The following SELP variants were observed in gnomAD, a reference collection of about 807,000 sequenced individuals.
SELP encodes P-selectin.
A neutral mutation model predicts 104.1 loss-of-function variants in SELP; 92 were observed. That is an observed-to-expected ratio of 0.88 (90% confidence interval 0.75 to 1.05). The LOEUF (loss-of-function observed/expected upper bound fraction) is 1.05, where lower values mean the gene tolerates loss of function less well. Among genes scored for constraint, SELP ranks in the 50% least tolerant of loss-of-function variants. The probability of loss-of-function intolerance (pLI) is 0.00; values close to 1 mark genes in which losing one functional copy is unlikely to be tolerated. For synonymous variants in SELP, 397 were observed against 364.5 expected (o/e 1.09, Z -1.01); for missense variants, 1,022 against 1,017.3 (o/e 1.00, Z -0.06).
At chr1:169,595,456 T>A (rs1274878791) in intron 12 of SELP, among the ~76,000 whole-genome samples, 1 of 152,176 alleles carries the variant, frequency 6.6e-6, no homozygotes, top group African/African-American at 2.4e-5. Context: ...CTATGTTTTG[T>A]GGGGGATACA....
rs3917719 is a variant in SELP, at chr1:169,613,489, C to T, written c.589+97G>A. On this transcript the variant is annotated intron_variant, in intron 4 of 16. Coordinates refer to ENST00000263686, the MANE Select transcript of SELP (RefSeq NM_003005.4). ...GATGATAGAGGGGGGCTGGTACCAT[C>T]CTATTCTCACTGGAGAGACTTCAAC... The T allele has an allele frequency of 3.9e-3, 3,538 of 902,254 alleles. 90 individuals are homozygous for T. In the African/African-American group the frequency reaches 0.051, roughly 13 times the overall value. The allele number at this position is 902,254 out of a possible 1,614,324, so 55.9% of individuals were successfully genotyped here.
chr1:169,589,745 G>C (rs1220126482), intron 16 of SELP: 1 of 157,436 alleles, frequency 6.4e-6, no homozygotes, highest in East Asian at 1.9e-4. Context: ...TTTTGGGAGA[G>C]GGATAGCATC....
At chr1:169,627,896 T>A (rs986768439) in intron 1 of SELP, among the ~76,000 whole-genome samples, 2 of 152,002 alleles carry the variant, frequency 1.3e-5, no homozygotes, top group African/African-American at 2.4e-5. Flanking sequence ...CACTAAAACT[T>A]TTTTTTTGTT....
chr1:169,626,014 C>T (rs1466052788), intron 1 of SELP, among the ~76,000 whole-genome samples: 2 of 152,138 alleles, frequency 1.3e-5, no homozygotes, highest in Non-Finnish European at 2.9e-5. Context: ...GGGAAGACCT[C>T]TTTAATGAGA....
chr1:169,593,646 C>T lies in SELP; in HGVS notation c.2366G>A (p.Gly789Glu). 1 of 1,613,372 alleles carries T rather than the reference C, an allele frequency of 6.2e-7. No individual in the cohort carries two copies. The change falls in exon 14 of 17, where the codon GGG (glycine) becomes GAG (glutamate). Residue 789 changes from glycine (G) to glutamate (E), a missense_variant. Transcript: ENST00000263686. ...CTTTCTTAGCAAAGCCAGGAGCGTCCCACCCATTATCAGACCTATCGTAGA... is the reference window on the plus strand; with the variant it reads ...CTTTCTTAGCAAAGCCAGGAGCGTCTCACCCATTATCAGACCTATCGTAGA... ...VASTIGLIMG[G>E]TLLALLRKRF...
At chr1:169,619,713 A>T (rs1662996127) in intron 1 of SELP, among the ~76,000 whole-genome samples, 1 of 152,090 alleles carries the variant, frequency 6.6e-6, no homozygotes, top group Admixed American at 6.6e-5. Context: ...TGTACTATGG[A>T]TCTTTGTTTT....
intron 14 of SELP, 44 bp from the exon 15 acceptor site, chr1:169,591,500 AAC>A (rs1661354058): frequency 6.9e-7 from 1 of 1,455,316 alleles, no homozygotes; most frequent in Non-Finnish European, 9.4e-7. Context: ...AAAAAAAAAA[AAC>A]AAGATGAAAG....
At position 169,619,184 on chromosome 1, in the gene SELP, G is replaced by T; in HGVS notation, c.39C>A (p.Phe13Leu). The change falls in exon 2 of 17, where the codon TTC (phenylalanine) becomes TTA (leucine). Residue 13 changes from phenylalanine (F) to leucine (L), a missense_variant. Physicochemically the swap from Phe to Leu is conservative, Grantham distance 22. Coordinates refer to ENST00000263686, the MANE Select transcript of SELP (RefSeq NM_003005.4). ...GGGAAATTCCAAAGACCACTCTCTGGAATCTCTGGTACAAGATGGCTATTT... is the reference window on the plus strand; with the variant it reads ...GGGAAATTCCAAAGACCACTCTCTGTAATCTCTGGTACAAGATGGCTATTT... ...NCQIAILYQR[F>L]QRVVFGISQL... is the part of the protein sequence containing the mutation. The T allele has an allele frequency of 1.2e-6, 2 of 1,614,060 alleles. No individual in the cohort carries two copies. The highest frequency in any genetic ancestry group is 1.7e-6 in the Non-Finnish European group (2 of 1,179,932).
rs769588297 is a variant in SELP, at chr1:169,596,974, C to A, written c.1891+17G>T. The A allele has an allele frequency of 8.1e-6, 13 of 1,598,914 alleles. No individual in the cohort carries two copies. The South Asian group carries it at 1.3e-4, about 16-fold the overall frequency. On this transcript the variant is annotated intron_variant, in intron 11 of 16. Coordinates refer to ENST00000263686, the MANE Select transcript of SELP (RefSeq NM_003005.4). ...ATTTCCAAAAGTAGAACTGTCTTAG[C>A]AAGTACATATTATTACCTTTGCAGG...
At chr1:169,619,876 G>A (rs1445187305) in intron 1 of SELP, among the ~76,000 whole-genome samples, 2 of 152,060 alleles carry the variant, frequency 1.3e-5, no homozygotes, top group Non-Finnish European at 2.9e-5. Flanking sequence ...ACTCTCTTCT[G>A]TTGGGATTTC....
At chr1:169,612,174 T>C (rs1194407218) in intron 6 of SELP, 43 bp downstream of exon 6, 1 of 1,588,388 alleles carries the variant, frequency 6.3e-7, no homozygotes, top group Non-Finnish European at 8.6e-7. Flanking sequence ...AAGTAAGGAC[T>C]GGGTGCAATG....
intron 1 of SELP, among the ~76,000 whole-genome samples, chr1:169,621,702 T>C (rs1214428777): frequency 6.6e-6 from 1 of 152,196 alleles, no homozygotes; most frequent in African/African-American, 2.4e-5. Flanking sequence ...AATCTTGACT[T>C]TGGTAAGTAG....
At chr1:169,624,644 G>C (rs1663288366) in intron 1 of SELP, among the ~76,000 whole-genome samples, 1 of 152,192 alleles carries the variant, frequency 6.6e-6, no homozygotes, top group African/African-American at 2.4e-5. Context: ...AGCTACTTGG[G>C]AGGCTGAGGC....
intron 7 of SELP, among the ~76,000 whole-genome samples, 155 bp from the exon 8 acceptor site, chr1:169,609,844 C>G (rs1480600048): frequency 6.6e-6 from 1 of 152,154 alleles, no homozygotes; most frequent in African/African-American, 2.4e-5. Context: ...GCCTGGAACA[C>G]CTTCCCATGC....
At chr1:169,613,457 G>A (rs1571660234) in intron 4 of SELP, 129 bp downstream of exon 4, 2 of 710,574 alleles carry the variant, frequency 2.8e-6, no homozygotes, top group Non-Finnish European at 5.0e-6. Context: ...ACTGAGTGGA[G>A]GAGACAGATG....
intron 12 of SELP, among the ~76,000 whole-genome samples, chr1:169,595,532 G>A (rs1417481035): frequency 6.6e-6 from 1 of 152,124 alleles, no homozygotes; most frequent in East Asian, 1.9e-4. Flanking sequence ...GAAATATCAT[G>A]TATGGCTTAA....
intron 9 of SELP, 123 bp downstream of exon 9, chr1:169,606,826 G>C (rs775336406): frequency 1.2e-6 from 1 of 858,638 alleles, no homozygotes; most frequent in Non-Finnish European, 1.8e-6. Context: ...ATGAGTGAGA[G>C]TATTTATGAA....
In SELP at chr1:169,594,697, C is replaced by T. The variant is rs1661510158; in HGVS notation, c.2282G>A (p.Cys761Tyr). Residue 761 changes from cysteine to tyrosine, a missense_variant, in exon 13 of 17, where the codon TGC becomes TAC. Cys to Tyr is a radical substitution (Grantham distance 194). Coordinates refer to ENST00000263686, the MANE Select transcript of SELP (RefSeq NM_003005.4). The stretch of plus-strand genomic sequence containing the variant: ...AACCCACATGAAAATTGTACCTTGG[C>T]AGGTTGGCACGGTAGTTGACCAGTG... ...NGHWSTTVPT[C>Y]QAGPLTIQEA... The T allele has an allele frequency of 1.2e-6, 2 of 1,612,354 alleles. No homozygotes were observed. The highest frequency in any genetic ancestry group is 1.7e-6 in the Non-Finnish European group (2 of 1,179,130).
At position 169,609,561 on chromosome 1, in the gene SELP, C is replaced by A. The variant is rs200647043; in HGVS notation, c.1276G>T (p.Asp426Tyr). 6.2e-7 allele frequency: 1 copy of A among 1,613,926 alleles called. No individual in the cohort carries two copies. The highest frequency in any genetic ancestry group is 8.5e-7 in the Non-Finnish European group (1 of 1,179,988). Residue 426 changes from aspartate to tyrosine, a missense_variant, in exon 8 of 17, where the codon GAT (aspartate) becomes TAT (tyrosine). Coordinates refer to ENST00000263686, the MANE Select transcript of SELP (RefSeq NM_003005.4). ...CCCAAGTTATCACACCGAACTATATCGGCTCCTCTCAGCATGAAACCTTCA... is the reference window on the plus strand; with the variant it reads ...CCCAAGTTATCACACCGAACTATATAGGCTCCTCTCAGCATGAAACCTTCA... ...CAEGFMLRGADIVRCDNLGQW... is the reference protein window; with the variant it reads ...CAEGFMLRGAYIVRCDNLGQW...
Sources: gnomAD v4.1 joint callset for allele counts (sites outside exome capture counted in the v4.1 genomes callset) on GRCh38, gnomAD v4.1.1 for gene constraint, MANE v1.5 for transcripts, NCBI Gene and HGNC (gene_info 2026-07-23, HGNC 2026-07-21) for gene names.